Variants in CIMAP2 observed in about 807,000 individuals in gnomAD.
CIMAP2 encodes the protein ciliary microtubule-associated protein 2.
chr1:54,829,877 T>A, the CIMAP2 span, among the ~76,000 whole-genome samples: 1 of 152,190 alleles, frequency 6.6e-6, no homozygotes, highest in South Asian at 2.1e-4. Flanking sequence ...CCCCATTTTT[T>A]TTTCAAATCT....
At chr1:54,808,143 A>G in the CIMAP2 span, 1 of 989,212 alleles carries the variant, frequency 1.0e-6, no homozygotes, top group Non-Finnish European at 1.4e-6. Flanking sequence ...TAAGTGGCAT[A>G]CACTGTCCTA....
the CIMAP2 span, chr1:54,811,808 C>T: frequency 6.6e-7 from 1 of 1,514,262 alleles, no homozygotes; most frequent in Non-Finnish European, 9.0e-7. Flanking sequence ...ACTATCCAGG[C>T]CCTGGAAATT....
At chr1:54,814,673 A>G in the CIMAP2 span, among the ~76,000 whole-genome samples, 1 of 152,210 alleles carries the variant, frequency 6.6e-6, no homozygotes, top group Non-Finnish European at 1.5e-5. Context: ...CCACCAGACA[A>G]TGAAGGCCCT....
At chr1:54,807,205 A>T in the CIMAP2 span, 3 of 1,112,822 alleles carry the variant, frequency 2.7e-6, no homozygotes, top group Non-Finnish European at 4.1e-6. Context: ...CTTCCAGCAC[A>T]GAGCTGGACC....
the CIMAP2 span, among the ~76,000 whole-genome samples, chr1:54,816,245 C>T: frequency 1.6e-4 from 24 of 152,354 alleles, 1 homozygote; most frequent in South Asian, 4.8e-3. Context: ...ACAGGCTTCT[C>T]CCTTGTGGGA....
the CIMAP2 span, among the ~76,000 whole-genome samples, chr1:54,809,448 T>G: frequency 1.3e-5 from 2 of 152,220 alleles, no homozygotes; most frequent in Non-Finnish European, 2.9e-5. Flanking sequence ...CAATCTAAAG[T>G]AATAATAGTG....
the CIMAP2 span, among the ~76,000 whole-genome samples, chr1:54,836,824 G>A: frequency 6.6e-6 from 1 of 152,126 alleles, no homozygotes; most frequent in Admixed American, 6.5e-5. Context: ...GGGAGGGTGG[G>A]GTGTGGCAGG....
chr1:54,822,331 A>T, the CIMAP2 span, among the ~76,000 whole-genome samples: 1 of 148,478 alleles, frequency 6.7e-6, no homozygotes. Context: ...ATGTTTATTG[A>T]TTTTATGTTT....
chr1:54,836,615 G>A, the CIMAP2 span, among the ~76,000 whole-genome samples: 7 of 152,140 alleles, frequency 4.6e-5, no homozygotes, highest in African/African-American at 9.7e-5. Flanking sequence ...TCAGGCAAAC[G>A]GGGCAGACAG....
At chr1:54,834,914 TC>T in the CIMAP2 span, among the ~76,000 whole-genome samples, 10 of 152,234 alleles carry the variant, frequency 6.6e-5, no homozygotes, top group Non-Finnish European at 1.2e-4. Context: ...AATGGTTTAC[TC>T]TTCCTGCTTT....
At chr1:54,834,834 C>G in the CIMAP2 span, among the ~76,000 whole-genome samples, 1 of 152,176 alleles carries the variant, frequency 6.6e-6, no homozygotes, top group Admixed American at 6.5e-5. Flanking sequence ...TGTCGGTGCT[C>G]AAAAAGTTTT....
At chr1:54,816,368 C>T in the CIMAP2 span, among the ~76,000 whole-genome samples, 59 of 152,262 alleles carry the variant, frequency 3.9e-4, 1 homozygote, top group Non-Finnish European at 7.4e-5. Flanking sequence ...TTTATTCTGC[C>T]CTTGCCGTGT....
chr1:54,812,243 C>A, the CIMAP2 span: 3 of 1,606,124 alleles, frequency 1.9e-6, no homozygotes, highest in Non-Finnish European at 2.6e-6. Context: ...GGATGACAGG[C>A]CTCACTAGTC....
chr1:54,822,771 G>T, the CIMAP2 span, among the ~76,000 whole-genome samples: 23 of 152,164 alleles, frequency 1.5e-4, no homozygotes, highest in African/African-American at 5.3e-4. Context: ...CTCTCAAAGT[G>T]CTGGGATTCC....
At chr1:54,836,270 T>C in the CIMAP2 span, among the ~76,000 whole-genome samples, 3 of 148,014 alleles carry the variant, frequency 2.0e-5, no homozygotes, top group Non-Finnish European at 4.5e-5. Context: ...CCCTCCCGCC[T>C]GCCTACCTGC....
At chr1:54,814,822 G>A in the CIMAP2 span, 30 of 1,553,556 alleles carry the variant, frequency 1.9e-5, no homozygotes, top group African/African-American at 2.7e-5. Flanking sequence ...CTGGATGGGT[G>A]GAGTCAGCTG....
chr1:54,815,995 G>A, the CIMAP2 span, among the ~76,000 whole-genome samples: 26 of 152,100 alleles, frequency 1.7e-4, no homozygotes, highest in Non-Finnish European at 2.9e-4. Flanking sequence ...GGTTGTCCCC[G>A]AATCCTTCCT....
At chr1:54,808,633 T>G in the CIMAP2 span, among the ~76,000 whole-genome samples, 1 of 112,422 alleles carries the variant, frequency 8.9e-6, no homozygotes, top group Non-Finnish European at 1.9e-5. Context: ...AGTGGAGGGC[T>G]TTGACAGGAA....
the CIMAP2 span, among the ~76,000 whole-genome samples, chr1:54,834,703 C>T: frequency 3.3e-5 from 5 of 152,088 alleles, no homozygotes; most frequent in Non-Finnish European, 5.9e-5. Context: ...TCATACATGC[C>T]GTATACACAC....
Sources: gnomAD v4.1 joint callset for allele counts (sites outside exome capture counted in the v4.1 genomes callset) on GRCh38, gnomAD v4.1.1 for gene constraint, MANE v1.5 for transcripts, NCBI Gene and HGNC (gene_info 2026-07-23, HGNC 2026-07-21) for gene names.